The following GRIK3 variants were observed in gnomAD, a reference collection of about 807,000 sequenced individuals.
GRIK3 encodes glutamate receptor ionotropic, kainate 3.
Under a neutral mutation model 102.5 loss-of-function variants are expected in GRIK3, and 29 were observed. The observed-to-expected ratio is 0.28, with a 90% CI of 0.21 to 0.39. GRIK3 has a LOEUF of 0.39. Ranked by LOEUF, GRIK3 falls within the 10% of genes least tolerant of loss-of-function variation. GRIK3 has a pLI of 1.00. For synonymous variants in GRIK3, 511 were observed against 504.9 expected (o/e 1.01, Z -0.16); for missense variants, 908 against 1,252.4 (o/e 0.73, Z 4.15).
At chr1:36,910,634 G>A (rs980731382) in intron 1 of GRIK3, among the ~76,000 whole-genome samples, 2 of 152,236 alleles carry the variant, frequency 1.3e-5, no homozygotes, top group African/African-American at 4.8e-5. Context: ...GTTTACAGAG[G>A]TGGAGCAGCA....
intron 13 of GRIK3, among the ~76,000 whole-genome samples, chr1:36,814,810 T>A (rs1642606107): frequency 6.6e-6 from 1 of 151,996 alleles, no homozygotes. Context: ...GACAAATGTA[T>A]TTTCTCTGTA....
At chr1:37,033,257 A>G (rs1367019973) in intron 1 of GRIK3, among the ~76,000 whole-genome samples, 1 of 152,266 alleles carries the variant, frequency 6.6e-6, no homozygotes, top group Admixed American at 6.5e-5. Flanking sequence ...CCAGCTGCGG[A>G]GGAATTCGGG....
intron 1 of GRIK3, among the ~76,000 whole-genome samples, chr1:36,913,812 C>T (rs537495973): frequency 7.2e-5 from 11 of 152,294 alleles, no homozygotes; most frequent in African/African-American, 2.4e-4. Flanking sequence ...CGTCCACCAT[C>T]GGCCAGAATC....
chr1:36,840,600 G>GC lies in GRIK3; in HGVS notation c.1530+1135dup, dbSNP rs565634049. On this transcript the variant is annotated intron_variant, in intron 10 of 15. Transcript: ENST00000373091. ...AAATTAGCCAGGTGGAGTGCCTCGT[G>GC]CCTGTAGCCCCAGCTACTCAGGAGA... 1.8e-3 allele frequency among the ~76,000 whole-genome samples: 273 copies of GC among 150,374 alleles called. 1 individual carries two copies. Among genetic ancestry groups the GC allele is most frequent in the African/African-American group, 6.6e-3 (268 of 40,892 alleles).
At chr1:36,921,696 TA>T (rs1367172956) in intron 1 of GRIK3, among the ~76,000 whole-genome samples, 1 of 152,166 alleles carries the variant, frequency 6.6e-6, no homozygotes, top group Non-Finnish European at 1.5e-5. Context: ...TGTCATAGTA[TA>T]ATGGGTGGCA....
Position 36,890,913 on chromosome 1 carries a change from C to A in GRIK3, c.292+7G>T. ...GAAGAGAACAGAGGCAGGAGCTGCA[C>A]ACTCACCCTTTTTGGTCGCCTCGAA... On this transcript the variant is annotated splice_region_variant and intron_variant, in intron 2 of 15. Coordinates refer to ENST00000373091, the MANE Select transcript of GRIK3 (RefSeq NM_000831.4). 1 of 1,604,594 alleles carries A rather than the reference C, an allele frequency of 6.2e-7. No individual in the cohort carries two copies. The highest frequency in any genetic ancestry group is 8.5e-7 in the Non-Finnish European group (1 of 1,173,976).
At chr1:36,870,967 G>A (rs372697151) in intron 4 of GRIK3, among the ~76,000 whole-genome samples, 6 of 152,232 alleles carry the variant, frequency 3.9e-5, no homozygotes, top group East Asian at 1.9e-4. Context: ...ACAGCTGATC[G>A]GGAGGCTAGG....
At chr1:37,008,613 G>C (rs1642556616) in intron 1 of GRIK3, among the ~76,000 whole-genome samples, 1 of 152,212 alleles carries the variant, frequency 6.6e-6, no homozygotes, top group East Asian at 1.9e-4. Context: ...GGGGACACAG[G>C]AGGGTGGGCA....
At chr1:36,843,202 G>A (rs1285902513) in intron 9 of GRIK3, among the ~76,000 whole-genome samples, 1 of 152,138 alleles carries the variant, frequency 6.6e-6, no homozygotes, top group Non-Finnish European at 1.5e-5. Flanking sequence ...GGAACTGTGG[G>A]CTCCGATGCA....
intron 10 of GRIK3, among the ~76,000 whole-genome samples, chr1:36,830,246 T>C (rs907209846): frequency 6.6e-6 from 1 of 152,144 alleles, no homozygotes; most frequent in African/African-American, 2.4e-5. Context: ...GCTAGGAGGC[T>C]TGTTTAAACT....
At chr1:37,030,486 A>G (rs1252010963) in intron 1 of GRIK3, among the ~76,000 whole-genome samples, 1 of 150,314 alleles carries the variant, frequency 6.7e-6, no homozygotes, top group Non-Finnish European at 1.5e-5. Flanking sequence ...GTTCTGCTCT[A>G]TCTGTAGATG....
Position 36,958,380 on chromosome 1 carries a change from T to C in GRIK3, c.116-67284A>G, listed in dbSNP as rs1340051097. 2.9e-5 allele frequency among the ~76,000 whole-genome samples: 2 copies of C among 68,226 alleles called. 1 individual carries two copies. Among genetic ancestry groups the C allele is most frequent in the East Asian group, 1.0e-3 (2 of 1,914 alleles). 44.8% of individuals were successfully genotyped at this position (68,226 alleles called of 152,430 possible). On this transcript the variant is annotated intron_variant, in intron 1 of 15. Transcript: ENST00000373091. ...TTTGCTCCATGAGCCTGTGTGCTCT[T>C]TGAATCTGCGCCCTGTGAGCCTGTG...
chr1:36,952,705 A>G (rs528089272), intron 1 of GRIK3, among the ~76,000 whole-genome samples: 29 of 152,344 alleles, frequency 1.9e-4, no homozygotes, highest in Non-Finnish European at 3.5e-4. Context: ...ATGAGAAAGC[A>G]TATGAATGAA....
At chr1:36,921,397 A>G (rs1465627585) in intron 1 of GRIK3, among the ~76,000 whole-genome samples, 1 of 152,180 alleles carries the variant, frequency 6.6e-6, no homozygotes, top group Non-Finnish European at 1.5e-5. Context: ...TTGTTAGCAC[A>G]TGATCATTCT....
chr1:36,846,861 G>T (rs936563952), intron 9 of GRIK3, among the ~76,000 whole-genome samples: 1 of 152,228 alleles, frequency 6.6e-6, no homozygotes, highest in Admixed American at 6.5e-5. Context: ...TCTCTCCTCA[G>T]GAGACTCCAA....
At chr1:36,952,783 T>C (rs532364764) in intron 1 of GRIK3, among the ~76,000 whole-genome samples, 23 of 152,124 alleles carry the variant, frequency 1.5e-4, no homozygotes, top group Non-Finnish European at 3.2e-4. Flanking sequence ...AAGGAGATGA[T>C]AGGGAATACT....
At chr1:36,822,810 T>C (rs1199231861) in intron 11 of GRIK3, among the ~76,000 whole-genome samples, 4 of 152,188 alleles carry the variant, frequency 2.6e-5, no homozygotes, top group African/African-American at 4.8e-5. Context: ...GATCATCCCC[T>C]GTCACGAGTG....
intron 4 of GRIK3, among the ~76,000 whole-genome samples, chr1:36,870,230 C>T (rs1383410744): frequency 6.6e-6 from 1 of 152,134 alleles, no homozygotes; most frequent in Non-Finnish European, 1.5e-5. Context: ...ACGTTTCCCC[C>T]CAACCCTGCT....
chr1:36,799,662 T>G lies in GRIK3; in HGVS notation c.*2189A>C, dbSNP rs1642418184. The G allele has an allele frequency of 6.6e-6, 1 of 152,220 alleles. No homozygotes were observed. Among genetic ancestry groups the G allele is most frequent in the Admixed American group, 6.5e-5 (1 of 15,284 alleles). 9.4% of individuals were successfully genotyped at this position (152,220 alleles called of 1,614,324 possible). A position where few individuals can be genotyped will look rare whatever the true frequency, so the allele number is the denominator to read the frequency against. ...CTATGCATGCATGCATGCTTACATATGCATACCCACCAGGGCCCCATTATG... is the reference window on the plus strand; with the variant it reads ...CTATGCATGCATGCATGCTTACATAGGCATACCCACCAGGGCCCCATTATG... On this transcript the variant is annotated 3_prime_UTR_variant, in exon 16 of 16. Coordinates refer to ENST00000373091, the MANE Select transcript of GRIK3 (RefSeq NM_000831.4).
Sources: allele counts gnomAD v4.1 joint callset (sites outside exome capture counted in the v4.1 genomes callset), GRCh38; gene constraint gnomAD v4.1.1; transcripts MANE v1.5; gene names NCBI Gene and HGNC (gene_info 2026-07-23, HGNC 2026-07-21).